ATP6V0A4: variants seen among roughly 807,000 people sequenced by gnomAD.
ATP6V0A4 encodes the protein ATPase H+ transporting V0 subunit a4, also known as V-type proton ATPase 116 kDa subunit a 4.
A neutral mutation model predicts 107.3 loss-of-function variants in ATP6V0A4; 86 were observed. The ratio of observed to expected loss-of-function variants is 0.80; its 90% CI spans 0.67 to 0.96. The LOEUF is 0.96. Ranked by LOEUF, ATP6V0A4 falls within the 40% of genes least tolerant of loss-of-function variation. ATP6V0A4 has a pLI of 0.00. For synonymous variants in ATP6V0A4, 353 were observed against 381.4 expected (o/e 0.93, Z 0.87); for missense variants, 908 against 1,045.6 (o/e 0.87, Z 1.81).
At chr7:138,777,361 TC>T (rs571987145) in intron 2 of ATP6V0A4, among the ~76,000 whole-genome samples, 3 of 152,062 alleles carry the variant, frequency 2.0e-5, no homozygotes, top group Non-Finnish European at 4.4e-5. Flanking sequence ...ACGCCTGTCA[TC>T]CCAGCACTTT....
chr7:138,790,725 CTTGGGGATGA>C lies in ATP6V0A4; in HGVS notation c.-120-4475_-120-4466del, dbSNP rs1808373002. The stretch of plus-strand genomic sequence containing the variant: ...TTTTGTGCTCATCTTTGGTTATTTC[CTTGGGGATGA>C]AATTTCTAAAGGGCTACACCATAGA... On this transcript the variant is annotated intron_variant, in intron 1 of 21. Transcript: ENST00000310018. Among the ~76,000 whole-genome samples the C allele has an allele frequency of 2.0e-5, 3 of 152,130 alleles. No homozygotes were observed. The East Asian group carries it at 5.8e-4, about 29-fold the overall frequency.
chr7:138,752,540 A>C, intron 11 of ATP6V0A4, 85 bp downstream of exon 11: 1 of 1,530,574 alleles, frequency 6.5e-7, no homozygotes, highest in Non-Finnish European at 8.9e-7. Context: ...ACTTGAGTTC[A>C]TGTGGCCCAT....
intron 15 of ATP6V0A4, among the ~76,000 whole-genome samples, chr7:138,736,013 A>G (rs1388163398): frequency 6.6e-6 from 1 of 151,980 alleles, no homozygotes; most frequent in Non-Finnish European, 1.5e-5. Flanking sequence ...GGCTGTGGCG[A>G]GCCGAGATCG....
intron 15 of ATP6V0A4, among the ~76,000 whole-genome samples, chr7:138,734,867 A>G (rs1474885032): frequency 1.6e-4 from 24 of 151,794 alleles, no homozygotes; most frequent in Admixed American, 1.4e-3. Context: ...ATCATGGCCT[A>G]TAGCTCATTG....
chr7:138,771,044 T>C, intron 3 of ATP6V0A4, 87 bp downstream of exon 3: 1 of 1,303,754 alleles, frequency 7.7e-7, no homozygotes, highest in Admixed American at 1.7e-5. Flanking sequence ...TACAAAATGG[T>C]TATTGTTCAC....
chr7:138,706,752 G>T, intron 21 of ATP6V0A4, 35 bp from the exon 22 acceptor site: 1 of 1,610,816 alleles, frequency 6.2e-7, no homozygotes, highest in South Asian at 1.1e-5. Flanking sequence ...GTAAGAAATG[G>T]GAGATTGAAA....
intron 10 of ATP6V0A4, among the ~76,000 whole-genome samples, chr7:138,753,866 A>G (rs1028403476): frequency 6.6e-6 from 1 of 152,172 alleles, no homozygotes; most frequent in African/African-American, 2.4e-5. Context: ...CATAGCCCGA[A>G]TTATATGCCT....
At chr7:138,776,966 G>A (rs997428603) in intron 2 of ATP6V0A4, among the ~76,000 whole-genome samples, 6 of 151,952 alleles carry the variant, frequency 3.9e-5, no homozygotes, top group Non-Finnish European at 8.8e-5. Context: ...TGGCCAACAT[G>A]GTGAAAACTC....
At chr7:138,730,651 T>C (rs1804957782) in intron 17 of ATP6V0A4, among the ~76,000 whole-genome samples, 1 of 152,190 alleles carries the variant, frequency 6.6e-6, no homozygotes, top group Non-Finnish European at 1.5e-5. Context: ...TCAGTCTTAA[T>C]GAAAGCAGTT....
Position 138,718,229 on chromosome 7 carries a change from TGC to T in ATP6V0A4, c.2140-2350_2140-2349del, listed in dbSNP as rs375437432. Among the ~76,000 whole-genome samples the T allele has an allele frequency of 6.5e-3, 101 of 15,444 alleles. 21 individuals carry two copies. Among genetic ancestry groups the T allele is most frequent in the African/African-American group, 0.014 (40 of 2,800 alleles). 10.1% of individuals were successfully genotyped at this position (15,444 alleles called of 152,430 possible). ...GTGTGTGTGTGTGTGTGTGTGTGTG[TGC>T]GCGCAGTTATGGATGTCTGCGGAGG... On this transcript the variant is annotated intron_variant, in intron 19 of 21. Coordinates refer to ENST00000310018, the MANE Select transcript of ATP6V0A4 (RefSeq NM_020632.3).
intron 1 of ATP6V0A4, among the ~76,000 whole-genome samples, chr7:138,794,847 A>C (rs1808581425): frequency 6.6e-6 from 1 of 151,992 alleles, no homozygotes; most frequent in South Asian, 2.1e-4. Context: ...ACACACACAC[A>C]GCCCTTTCTT....
intron 17 of ATP6V0A4, among the ~76,000 whole-genome samples, chr7:138,730,732 T>C (rs10225009): frequency 0.027 from 4,158 of 152,186 alleles, 215 homozygotes; most frequent in African/African-American, 0.095. Flanking sequence ...GAAATCCAAA[T>C]AAATGTTTGT....
At chr7:138,741,663 C>T (rs1181623186) in intron 14 of ATP6V0A4, among the ~76,000 whole-genome samples, 7 of 152,218 alleles carry the variant, frequency 4.6e-5, no homozygotes, top group African/African-American at 1.7e-4. Flanking sequence ...CGCCTCCTAA[C>T]AAAGGCTAAA....
chr7:138,709,313 T>C (rs1224194445), intron 21 of ATP6V0A4, among the ~76,000 whole-genome samples: 1 of 151,706 alleles, frequency 6.6e-6, no homozygotes, highest in Non-Finnish European at 1.5e-5. Context: ...AAATGTCACT[T>C]GGGTTAAAGC....
rs1260107233 is a variant in ATP6V0A4 at position 138,706,601 on chromosome 7, C to A, written c.*23G>T. The A allele has an allele frequency of 6.2e-7, 1 of 1,613,288 alleles. No homozygotes were observed. Among genetic ancestry groups the A allele is most frequent in the Non-Finnish European group, 8.5e-7 (1 of 1,179,610 alleles). On this transcript the variant is annotated 3_prime_UTR_variant, in exon 22 of 22. Transcript: ENST00000310018. ...ACTTCCTTCATTGGCATGGTGACCA[C>A]CGTGGGAGGTGCAGCCCTCAGCCTA...
At chr7:138,747,163 G>C (rs1001008082) in intron 13 of ATP6V0A4, among the ~76,000 whole-genome samples, 2 of 151,884 alleles carry the variant, frequency 1.3e-5, no homozygotes, top group African/African-American at 2.4e-5. Flanking sequence ...AAAAACATCA[G>C]AGTTAGAAAA....
rs367994457 is a variant in ATP6V0A4 at position 138,749,255 on chromosome 7, G to A, written c.1092C>T (p.Pro364=). The A allele has an allele frequency of 4.3e-6, 7 of 1,613,820 alleles. No homozygotes were observed. In the East Asian group the frequency reaches 1.6e-4, roughly 36 times the overall value. ...MTTVQSKTAP[P]TFNRTNKFTA... ...TGAATTTATTGGTCCTGTTAAATGT[G>A]GGAGGGGCTGTTTTAGATTGCACTG... Residue 364 remains proline (P), a synonymous_variant, in exon 12 of 22, where the codon CCC becomes CCT. Transcript: ENST00000310018.
chr7:138,719,510 A>G (rs938989394), intron 19 of ATP6V0A4, among the ~76,000 whole-genome samples: 2 of 152,166 alleles, frequency 1.3e-5, no homozygotes, highest in Admixed American at 1.3e-4. Flanking sequence ...TCAGTCAATC[A>G]ATCAGTCAAT....
At chr7:138,737,029 T>G (rs1805360111) in intron 15 of ATP6V0A4, among the ~76,000 whole-genome samples, 1 of 147,834 alleles carries the variant, frequency 6.8e-6, no homozygotes, top group Admixed American at 7.0e-5. Context: ...GCCAAATATT[T>G]TGTGATTTGA....
Sources: gnomAD v4.1 joint callset for allele counts (sites outside exome capture counted in the v4.1 genomes callset) on GRCh38, gnomAD v4.1.1 for gene constraint, MANE v1.5 for transcripts, NCBI Gene and HGNC (gene_info 2026-07-23, HGNC 2026-07-21) for gene names.